Variants in MLLT6 observed in about 807,000 individuals in gnomAD.
MLLT6 encodes the protein MLLT6, PHD finger containing.
MLLT6 carries 22 observed loss-of-function variants against 103.0 expected under a neutral mutation model. The ratio of observed to expected loss-of-function variants is 0.21; its 90% confidence interval spans 0.15 to 0.31. MLLT6 has a LOEUF of 0.31. Among genes scored for constraint, MLLT6 ranks in the 10% least tolerant of loss-of-function variants. MLLT6 has a pLI of 1.00. For missense variants in MLLT6, 1,199 were observed against 1,441.7 expected, an observed-to-expected ratio of 0.83 and a Z score of 2.73; for synonymous variants, 606 against 623.5, an observed-to-expected ratio of 0.97 and a Z score of 0.42.
At chr17:38,725,124 C>T (rs1905955626) in intron 19 of MLLT6, 148 bp downstream of exon 19, 1 of 612,918 alleles carries the variant, frequency 1.6e-6, no homozygotes, top group South Asian at 2.1e-5. Flanking sequence ...CCCAGGGCCT[C>T]TGCTTGCACA....
rs780381710 is a variant in MLLT6 at position 38,716,419 on chromosome 17, G to T, written c.1089G>T (p.Gln363His). 1 of 1,613,844 alleles carries T rather than the reference G, an allele frequency of 6.2e-7. No homozygotes were observed. Among genetic ancestry groups the T allele is most frequent in the South Asian group, 1.1e-5 (1 of 91,062 alleles). Residue 363 changes from glutamine (Q) to histidine (H), a missense_variant, in exon 10 of 20, where the codon CAG becomes CAT. Coordinates refer to ENST00000621332, the MANE Select transcript of MLLT6 (RefSeq NM_005937.4). This position sits in a 1 kb window ranked among gnomAD's most constrained non-coding sequence, Gnocchi z 5.6. The part of the protein sequence containing the change: ...PDFSAFPKLE[Q>H]PEEDKYSKPT... ...TCTCTGCATTCCCCAAGCTGGAGCAGCCAGAGGAGGACAAGTACTCCAAGC... is the reference window on the plus strand; with the variant it reads ...TCTCTGCATTCCCCAAGCTGGAGCATCCAGAGGAGGACAAGTACTCCAAGC...
Position 38,724,717 on chromosome 17 carries a change from C to G in MLLT6, c.2981C>G (p.Ala994Gly). The change falls in exon 19 of 20, where the codon GCC (alanine) becomes GGC (glycine). Residue 994 changes from alanine (A) to glycine (G), a missense_variant. Physicochemically the swap from Ala to Gly is moderately conservative, Grantham distance 60. This residue lies in a region of MLLT6 where 1,034 missense variants were observed against 1,091.5 expected (regional missense o/e 0.95). Transcript: ENST00000621332. This position sits in a 1 kb window ranked among gnomAD's most constrained non-coding sequence, Gnocchi z 5.4. ...QMAGGSQLPM[A>G]SLLAGSSTPL... ...GCTGGGGGCTCCCAGCTGCCCATGG[C>G]CAGCCTGCTGGCAGGAAGCTCCACC... 1 of 1,612,744 alleles carries G rather than the reference C, an allele frequency of 6.2e-7. No homozygotes were observed. Among genetic ancestry groups the G allele is most frequent in the South Asian group, 1.1e-5 (1 of 90,964 alleles).
rs1227627034 is a variant in MLLT6, at chr17:38,727,231, T to G, written c.*1633T>G. On this transcript the variant is annotated 3_prime_UTR_variant, in exon 20 of 20. Transcript: ENST00000621332. ...TATTTTTGCCTGTGCTGCTCAACTG[T>G]TTTTTTTTTCTGATACTGAAAATAA... The G allele has an allele frequency of 2.2e-5, 5 of 224,052 alleles. No individual in the cohort carries two copies. Among genetic ancestry groups the G allele is most frequent in the Admixed American group, 1.2e-4 (2 of 17,122 alleles). 13.9% of individuals were successfully genotyped at this position (224,052 alleles called of 1,614,324 possible). A position where few individuals can be genotyped will look rare whatever the true frequency, so the allele number is the denominator to read the frequency against.
intron 12 of MLLT6, chr17:38,718,306 C>T (rs1002056526): frequency 1.9e-5 from 4 of 212,862 alleles, no homozygotes; most frequent in Non-Finnish European, 3.8e-5. Flanking sequence ...ACGTGGGAGG[C>T]GGAGGTTGCA....
intron 9 of MLLT6, 69 bp downstream of exon 9, chr17:38,715,897 G>C: frequency 7.3e-7 from 1 of 1,364,490 alleles, no homozygotes; most frequent in Non-Finnish European, 1.0e-6. Flanking sequence ...TTCTGGCAAG[G>C]GACTTTGCAT....
intron 14 of MLLT6, chr17:38,720,105 C>T: frequency 1.3e-6 from 1 of 768,356 alleles, no homozygotes; most frequent in Non-Finnish European, 2.0e-6. Flanking sequence ...TCGTGGCCTC[C>T]GGGCCCCGAC....
In MLLT6 at chr17:38,728,142, C is replaced by T. The variant is rs1409851716; in HGVS notation, c.*2544C>T. ...TTAGGTTAGATTTGAAGACGGGGCC[C>T]AGGCTGGGTATGAACGGGTGCAGCC... is the stretch of plus-strand genomic sequence containing the variant. On this transcript the variant is annotated 3_prime_UTR_variant, in exon 20 of 20. Coordinates refer to ENST00000621332, the MANE Select transcript of MLLT6 (RefSeq NM_005937.4). 1 of 233,206 alleles carries T rather than the reference C, an allele frequency of 4.3e-6. No homozygotes were observed. 14.4% of individuals were successfully genotyped at this position (233,206 alleles called of 1,614,324 possible).
In MLLT6 at chr17:38,728,402, G is replaced by A. The variant is rs1906149533; in HGVS notation, c.*2804G>A. ...TCTTTGTCTGGGGGAGGGGAAGGAT[G>A]TGGTTTGCAGAGCGGAAGCAGAGTT... On this transcript the variant is annotated 3_prime_UTR_variant, in exon 20 of 20. Transcript: ENST00000621332. The A allele has an allele frequency of 8.6e-6, 2 of 232,906 alleles. No individual in the cohort carries two copies. Among genetic ancestry groups the A allele is most frequent in the South Asian group, 3.6e-4 (2 of 5,524 alleles). 14.4% of individuals were successfully genotyped at this position (232,906 alleles called of 1,614,324 possible).
chr17:38,727,457 C>A lies in MLLT6; in HGVS notation c.*1859C>A, dbSNP rs1189762069. 9.0e-6 allele frequency: 2 copies of A among 222,372 alleles called. No individual in the cohort carries two copies. The highest frequency in any genetic ancestry group is 1.8e-5 in the Non-Finnish European group (2 of 111,214). The allele number at this position is 222,372 out of a possible 1,614,324, so 13.8% of individuals were successfully genotyped here. On this transcript the variant is annotated 3_prime_UTR_variant, in exon 20 of 20. Coordinates refer to ENST00000621332, the MANE Select transcript of MLLT6 (RefSeq NM_005937.4). ...AAATGATAGCATTCAGCATTTTATTCTTCTTAATCTATTAAGCTGTGTAAC... is the reference window on the plus strand; with the variant it reads ...AAATGATAGCATTCAGCATTTTATTATTCTTAATCTATTAAGCTGTGTAAC...
chr17:38,720,192 C>T lies in MLLT6; in HGVS notation c.2156-180C>T. 4 of 709,232 alleles carry T rather than the reference C, an allele frequency of 5.6e-6. No individual in the cohort carries two copies. The South Asian group carries it at 7.6e-5, about 13-fold the overall frequency. The allele number at this position is 709,232 out of a possible 1,614,324, so 43.9% of individuals were successfully genotyped here. On this transcript the variant is annotated intron_variant, in intron 14 of 19. Transcript: ENST00000621332. ...CCCAGCCTCAGGCTCCGCCCCAGGT[C>T]TTCACACCTGTGGCTCCCCAAGTCC...
Position 38,716,387 on chromosome 17 carries a change from C to T in MLLT6, c.1057C>T (p.Pro353Ser), listed in dbSNP as rs1905345765. 1 of 1,613,100 alleles carries T rather than the reference C, an allele frequency of 6.2e-7. No homozygotes were observed. The highest frequency in any genetic ancestry group is 1.3e-5 in the African/African-American group (1 of 74,828). ...QPAVSSLQSS[P>S]DFSAFPKLEQ... is the part of the protein sequence containing the mutation. ...CACAGTCTCGTCCCTGCAGAGCTCC[C>T]CTGACTTCTCTGCATTCCCCAAGCT... The change falls in exon 10 of 20, where the codon CCT becomes TCT. Residue 353 changes from proline (P) to serine (S), a missense_variant. Physicochemically the swap from Pro to Ser is moderately conservative, Grantham distance 74. This residue lies in a region of MLLT6 where 1,034 missense variants were observed against 1,091.5 expected (regional missense o/e 0.95). Transcript: ENST00000621332. This position sits in a 1 kb window ranked among gnomAD's most constrained non-coding sequence, Gnocchi z 5.6.
chr17:38,719,443 T>C, intron 12 of MLLT6, 74 bp from the exon 13 acceptor site: 1 of 1,277,886 alleles, frequency 7.8e-7, no homozygotes, highest in Non-Finnish European at 1.1e-6. Flanking sequence ...CCCAATCCCA[T>C]ATCCATCTGG....
In MLLT6 at chr17:38,726,918, A is replaced by G. The variant is rs1906064637; in HGVS notation, c.*1320A>G. 1 of 233,340 alleles carries G rather than the reference A, an allele frequency of 4.3e-6. No homozygotes were observed. Among genetic ancestry groups the G allele is most frequent in the African/African-American group, 2.2e-5 (1 of 45,056 alleles). 14.5% of individuals were successfully genotyped at this position (233,340 alleles called of 1,614,324 possible). ...GGTAGAGTGGGCAATTCTCACCTTC[A>G]AAGAGTCCCCGCCTGCCCAGGCCTT... On this transcript the variant is annotated 3_prime_UTR_variant, in exon 20 of 20. Transcript: ENST00000621332.
At position 38,729,778 on chromosome 17, in the gene MLLT6, C is replaced by CAAAA. The variant is rs879210230; in HGVS notation, c.*4194_*4197dup. The CAAAA allele has an allele frequency of 8.7e-6, 1 of 115,578 alleles. No homozygotes were observed. Among genetic ancestry groups the CAAAA allele is most frequent in the African/African-American group, 3.7e-5 (1 of 27,054 alleles). 7.2% of individuals were successfully genotyped at this position (115,578 alleles called of 1,614,324 possible). ...GTTCTTTTAATAAAAGAATGTTTTG[C>CAAAA]AAAAAAAAAAAAAAAAATCCGAAGA... On this transcript the variant is annotated 3_prime_UTR_variant, in exon 20 of 20. Transcript: ENST00000621332.
rs530726394 is a variant in MLLT6 at position 38,719,876 on chromosome 17, C to T, written c.2136C>T (p.Asp712=). Residue 712 remains aspartate (D), a synonymous_variant, in exon 14 of 20, where the codon GAC becomes GAT. Coordinates refer to ENST00000621332, the MANE Select transcript of MLLT6 (RefSeq NM_005937.4). ...NMEQLLEKQG[D]GEAGVNIVEM... ...AGCAGCTTCTGGAGAAGCAGGGCGA[C>T]GGGGAGGCCGGCGTCAACAGTGAGG... 70 of 1,590,118 alleles carry T rather than the reference C, an allele frequency of 4.4e-5. 1 individual carries two copies. In the South Asian group the frequency reaches 6.7e-4, roughly 15 times the overall value.
rs183827959 is a variant in MLLT6 at position 38,717,931 on chromosome 17, C to T, written c.1920C>T (p.Ser640=). Residue 640 remains serine, a synonymous_variant, in exon 12 of 20, where the codon TCC becomes TCT. Transcript: ENST00000621332. ...TGGGTGCCGTTAATCCCCTCCTCTC[C>T]CAAGCTGAGAGCAGCCACACAGGTA... ...TPMGAVNPLL[S]QAESSHTEPD... is the part of the protein sequence containing the mutation. 2.4e-5 allele frequency: 38 copies of T among 1,612,492 alleles called. No homozygotes were observed. The Admixed American group carries it at 5.3e-4, about 23-fold the overall frequency.
intron 8 of MLLT6, chr17:38,713,100 T>C: frequency 2.7e-6 from 2 of 739,022 alleles, no homozygotes; most frequent in Non-Finnish European, 5.1e-6. Flanking sequence ...AGGCCTGCTC[T>C]CCAAGTTCTA....
At chr17:38,706,809 G>A (rs534740001) in intron 1 of MLLT6, 141 bp from the exon 2 acceptor site, 6 of 614,600 alleles carry the variant, frequency 9.8e-6, no homozygotes, top group South Asian at 8.6e-5. Flanking sequence ...CTGCTGTAGA[G>A]TGAGTGACCC....
At chr17:38,721,152 A>G (rs1905710374) in intron 16 of MLLT6, 5 of 224,926 alleles carry the variant, frequency 2.2e-5, no homozygotes, top group Non-Finnish European at 4.4e-5. Flanking sequence ...CCTCACACAA[A>G]ATAATTCCTG....
Sources: gnomAD v4.1 joint callset for allele counts on GRCh38, gnomAD v4.1.1 for gene constraint, gnomAD v4.1.1 regional missense constraint, Gnocchi (gnomAD v3.1) non-coding constraint, MANE v1.5 for transcripts, NCBI Gene and HGNC (gene_info 2026-07-23, HGNC 2026-07-21) for gene names.